Variants in CDK5RAP1 observed in about 807,000 individuals in gnomAD.
CDK5RAP1 encodes mitochondrial tRNA methylthiotransferase CDK5RAP1.
CDK5RAP1 carries 62 observed loss-of-function variants against 64.5 expected under a neutral mutation model. That is an observed-to-expected ratio of 0.96 (90% CI 0.78 to 1.19). CDK5RAP1 has a LOEUF of 1.19. CDK5RAP1 is among the 50% of genes most tolerant of loss of function. The pLI is 0.00. For synonymous variants in CDK5RAP1, 250 were observed against 261.9 expected (o/e 0.95, Z 0.44); for missense variants, 657 against 735.0 (o/e 0.89, Z 1.23).
In CDK5RAP1 at chr20:33,395,051, G is replaced by A; in HGVS notation, c.370C>T (p.Gln124Ter). The A allele has an allele frequency of 6.2e-7, 1 of 1,613,276 alleles. No homozygotes were observed. Among genetic ancestry groups the A allele is most frequent in the South Asian group, 1.1e-5 (1 of 91,070 alleles). Residue 124 changes from glutamine (Q) to a stop codon, truncating the protein, a stop_gained, in exon 3 of 14, where the codon CAG (glutamine) becomes TAG (stop). Transcript: ENST00000346416. LOFTEE classifies it high-confidence loss of function. ...CTGGTCCGCAGGTAGCCACTCTTCT[G>A]TAAGATGGACCAGGCTATCTCTGTG... ...NDTEIAWSILQKSGYLRTSNL... is the reference protein window; with the variant it reads ...NDTEIAWSIL
intron 13 of CDK5RAP1, 84 bp downstream of exon 13, chr20:33,360,267 T>C (rs1196518200): frequency 7.3e-7 from 1 of 1,362,992 alleles, no homozygotes; most frequent in Non-Finnish European, 1.0e-6. Context: ...AAAATGTGTC[T>C]CTAGGAAAAA....
intron 8 of CDK5RAP1, among the ~76,000 whole-genome samples, chr20:33,376,273 G>A (rs1985984227): frequency 6.6e-6 from 1 of 152,026 alleles, no homozygotes; most frequent in South Asian, 2.1e-4. Context: ...GCAGTGAGCT[G>A]AGATCGCACC....
intron 7 of CDK5RAP1, among the ~76,000 whole-genome samples, chr20:33,385,321 C>T (rs925856834): frequency 4.6e-5 from 7 of 152,204 alleles, no homozygotes; most frequent in Non-Finnish European, 1.0e-4. Flanking sequence ...AATAACCCTG[C>T]AAGCAAGGTA....
At chr20:33,369,033 G>C (rs567263673) in intron 11 of CDK5RAP1, among the ~76,000 whole-genome samples, 1 of 152,012 alleles carries the variant, frequency 6.6e-6, no homozygotes, top group Non-Finnish European at 1.5e-5. Context: ...CCAGCTACTC[G>C]GGAGGCTGAG....
At chr20:33,392,373 C>T (rs903835970) in intron 4 of CDK5RAP1, 131 bp from the exon 5 acceptor site, 5 of 447,932 alleles carry the variant, frequency 1.1e-5, no homozygotes, top group East Asian at 3.3e-5. Flanking sequence ...CTGCAGCCCA[C>T]GGGCCACATG....
intron 6 of CDK5RAP1, 26 bp from the exon 7 acceptor site, chr20:33,385,796 G>A: frequency 6.2e-7 from 1 of 1,602,844 alleles, no homozygotes; most frequent in African/African-American, 1.3e-5. Flanking sequence ...CCAGAACTTA[G>A]TAACAGTAGC....
At chr20:33,393,337 A>T (rs1600804001) in intron 4 of CDK5RAP1, among the ~76,000 whole-genome samples, 1 of 152,108 alleles carries the variant, frequency 6.6e-6, no homozygotes, top group East Asian at 1.9e-4. Flanking sequence ...TACTACACCC[A>T]GCCTCATTGT....
At chr20:33,372,078 G>C (rs535884788) in intron 10 of CDK5RAP1, among the ~76,000 whole-genome samples, 40 of 152,178 alleles carry the variant, frequency 2.6e-4, no homozygotes, top group African/African-American at 9.2e-4. Context: ...CACTGTAACT[G>C]CTTTCTTTTC....
chr20:33,393,326 C>A (rs114046688), intron 4 of CDK5RAP1, among the ~76,000 whole-genome samples: 1 of 152,018 alleles, frequency 6.6e-6, no homozygotes, highest in Non-Finnish European at 1.5e-5. Context: ...TAGGTGTGAC[C>A]TACTACACCC....
intron 5 of CDK5RAP1, among the ~76,000 whole-genome samples, chr20:33,389,808 G>A (rs1431998452): frequency 2.0e-5 from 3 of 152,152 alleles, no homozygotes; most frequent in Non-Finnish European, 4.4e-5. Flanking sequence ...GATTGTTGCT[G>A]TGTCTGTGTA....
chr20:33,365,375 A>G (rs975614118), intron 12 of CDK5RAP1, among the ~76,000 whole-genome samples: 1 of 151,616 alleles, frequency 6.6e-6, no homozygotes, highest in African/African-American at 2.4e-5. Flanking sequence ...AGGTTCAAGC[A>G]ATTCTCCCAC....
At chr20:33,382,418 T>C (rs551563261) in intron 7 of CDK5RAP1, among the ~76,000 whole-genome samples, 1 of 152,274 alleles carries the variant, frequency 6.6e-6, no homozygotes, top group South Asian at 2.1e-4. Flanking sequence ...CGGTGGCTCA[T>C]GCCTGTAATC....
intron 7 of CDK5RAP1, among the ~76,000 whole-genome samples, chr20:33,384,393 GA>G (rs975187215): frequency 4.6e-5 from 7 of 152,256 alleles, no homozygotes; most frequent in Admixed American, 2.0e-4. Flanking sequence ...TCTCTATCCT[GA>G]AGGAGTGAGT....
At chr20:33,367,138 A>G in intron 11 of CDK5RAP1, 130 bp from the exon 12 acceptor site, 1 of 779,574 alleles carries the variant, frequency 1.3e-6, no homozygotes, top group South Asian at 2.4e-5. Context: ...AACCCAAGCC[A>G]GAGGCAAGAG....
chr20:33,360,479 A>G lies in CDK5RAP1; in HGVS notation c.1555T>C (p.Ser519Pro), dbSNP rs1434223516. ...LVLVEGLSKR[S>P]ATDLCGRNDG... ...TTCCTGCCACACAGGTCAGTGGCAG[A>G]GCGTTTACTGAGCTGCAGAAAGAAG... The change falls in exon 13 of 14, where the codon TCT (serine) becomes CCT (proline). Residue 519 changes from serine (S) to proline (P), a missense_variant. Transcript: ENST00000346416. 6.2e-7 allele frequency: 1 copy of G among 1,610,144 alleles called. No homozygotes were observed. Among genetic ancestry groups the G allele is most frequent in the South Asian group, 1.1e-5 (1 of 90,244 alleles).
At chr20:33,366,759 C>G in intron 12 of CDK5RAP1, 100 bp downstream of exon 12, 1 of 1,097,304 alleles carries the variant, frequency 9.1e-7, no homozygotes, top group Non-Finnish European at 1.3e-6. Context: ...TTGAGCCCAG[C>G]AGTTTGAGTC....
intron 8 of CDK5RAP1, among the ~76,000 whole-genome samples, chr20:33,375,870 T>C (rs567447530): frequency 6.6e-6 from 1 of 152,154 alleles, no homozygotes; most frequent in Non-Finnish European, 1.5e-5. Flanking sequence ...TTATATTTTT[T>C]AAATATATCG....
At chr20:33,371,410 T>C (rs994917802) in intron 10 of CDK5RAP1, among the ~76,000 whole-genome samples, 6 of 152,208 alleles carry the variant, frequency 3.9e-5, no homozygotes, top group African/African-American at 1.4e-4. Flanking sequence ...ACACAGCCTG[T>C]AACAGTGGAG....
chr20:33,361,238 G>A (rs147574364), intron 12 of CDK5RAP1, among the ~76,000 whole-genome samples: 67 of 152,316 alleles, frequency 4.4e-4, no homozygotes, highest in Non-Finnish European at 6.6e-4. Context: ...GGAGGGGAGA[G>A]CTCAAGCACA....
Sources: allele counts gnomAD v4.1 joint callset (sites outside exome capture counted in the v4.1 genomes callset), GRCh38; gene constraint gnomAD v4.1.1; transcripts MANE v1.5; gene names NCBI Gene and HGNC (gene_info 2026-07-23, HGNC 2026-07-21).